SLC22A23: variants seen among roughly 807,000 people sequenced by gnomAD.
SLC22A23 encodes solute carrier family 22 member 23.
Under a neutral mutation model 61.0 loss-of-function variants are expected in SLC22A23, and 26 were observed. The observed-to-expected ratio is 0.43, with a 90% CI of 0.31 to 0.59. The LOEUF is 0.59. Ranked by LOEUF, SLC22A23 falls within the 20% of genes least tolerant of loss-of-function variation. The probability of loss-of-function intolerance (pLI) is 0.11; values close to 1 mark genes in which losing one functional copy is unlikely to be tolerated. For missense variants in SLC22A23, 796 were observed against 934.7 expected, an observed-to-expected ratio of 0.85 and a Z score of 1.94; for synonymous variants, 430 against 413.9, an observed-to-expected ratio of 1.04 and a Z score of -0.47.
intron 1 of SLC22A23, among the ~76,000 whole-genome samples, chr6:3,455,221 C>A (rs1028082888): frequency 1.3e-5 from 2 of 152,192 alleles, no homozygotes; most frequent in African/African-American, 4.8e-5. Context: ...CTAAAGCACA[C>A]CCCCGTTCTC....
Position 3,333,233 on chromosome 6 carries a change from G to T in SLC22A23, c.914-9231C>A, listed in dbSNP as rs1763675545. Reference sequence around the variant, plus strand: ...ACTGTTTTCACCTTGAATTACTTTGGAAGGAAGAACTTGTATTCAGCAACA... The same window carrying T: ...ACTGTTTTCACCTTGAATTACTTTGTAAGGAAGAACTTGTATTCAGCAACA... On this transcript the variant is annotated intron_variant, in intron 3 of 9. Coordinates refer to ENST00000406686, the MANE Select transcript of SLC22A23 (RefSeq NM_015482.2). This position sits in a 1 kb window ranked among gnomAD's most constrained non-coding sequence, Gnocchi z 4.1. Among the ~76,000 whole-genome samples, 1 of 152,128 alleles carries T rather than the reference G, an allele frequency of 6.6e-6. No homozygotes were observed. The highest frequency in any genetic ancestry group is 2.1e-4 in the South Asian group (1 of 4,820).
rs978971410 is a variant in SLC22A23 at position 3,342,071 on chromosome 6, T to C, written c.914-18069A>G. Among the ~76,000 whole-genome samples, 4 of 152,064 alleles carry C rather than the reference T, an allele frequency of 2.6e-5. No homozygotes were observed. Among genetic ancestry groups the C allele is most frequent in the East Asian group, 2.0e-4 (1 of 5,094 alleles). Reference sequence around the variant, plus strand: ...ATGAAGCTTTAATTAAGATTTCTTCTTAATGAAAGCTGCTAGTTTAGGTTC... The same window carrying C: ...ATGAAGCTTTAATTAAGATTTCTTCCTAATGAAAGCTGCTAGTTTAGGTTC... On this transcript the variant is annotated intron_variant, in intron 3 of 9. Coordinates refer to ENST00000406686, the MANE Select transcript of SLC22A23 (RefSeq NM_015482.2). This position sits in a 1 kb window ranked among gnomAD's most constrained non-coding sequence, Gnocchi z 4.0.
intron 3 of SLC22A23, among the ~76,000 whole-genome samples, chr6:3,370,274 C>T (rs769724868): frequency 6.6e-6 from 1 of 152,242 alleles, no homozygotes; most frequent in Non-Finnish European, 1.5e-5. Context: ...AATTATTTAA[C>T]AGTACAACTA....
rs1009255467 is a variant in SLC22A23 at position 3,360,139 on chromosome 6, AGTTT to A, written c.914-36141_914-36138del. ...AATGGGGAGTGTTTATTGGGGACAG[AGTTT>A]GTTTGGGAAGATGAAAAGACCTCTA... On this transcript the variant is annotated intron_variant, in intron 3 of 9. Coordinates refer to ENST00000406686, the MANE Select transcript of SLC22A23 (RefSeq NM_015482.2). The surrounding 1 kb of genome is among the most constrained non-coding windows in gnomAD (Gnocchi z 4.6). Among the ~76,000 whole-genome samples, 15 of 152,164 alleles carry A rather than the reference AGTTT, an allele frequency of 9.9e-5. No homozygotes were observed. Among genetic ancestry groups the A allele is most frequent in the African/African-American group, 2.7e-4 (11 of 41,422 alleles).
chr6:3,343,410 C>T (rs774548381), intron 3 of SLC22A23, among the ~76,000 whole-genome samples: 2 of 152,154 alleles, frequency 1.3e-5, no homozygotes, highest in Non-Finnish European at 2.9e-5. Context: ...GGATTTTAAA[C>T]ACCAGATTTA....
At chr6:3,361,017 A>G (rs577763140) in intron 3 of SLC22A23, among the ~76,000 whole-genome samples, 1 of 152,002 alleles carries the variant, frequency 6.6e-6, no homozygotes, top group African/African-American at 2.4e-5. Context: ...GGTGTCCCAC[A>G]TTTTATATTC....
chr6:3,363,605 G>A (rs959705765), intron 3 of SLC22A23, among the ~76,000 whole-genome samples: 7 of 152,258 alleles, frequency 4.6e-5, no homozygotes, highest in African/African-American at 7.2e-5. Flanking sequence ...CCCAAACTAG[G>A]ATGTGGCACC....
intron 3 of SLC22A23, among the ~76,000 whole-genome samples, chr6:3,345,481 T>C (rs1443797692): frequency 6.7e-6 from 1 of 150,254 alleles, no homozygotes; most frequent in Non-Finnish European, 1.5e-5. Context: ...TTCTCCTGCC[T>C]CAGCCTCCTG....
rs1041673693 is a variant in SLC22A23 at position 3,410,835 on chromosome 6, C to T, written c.759-493G>A. Among the ~76,000 whole-genome samples the T allele has an allele frequency of 4.6e-5, 7 of 152,090 alleles. No individual in the cohort carries two copies. Among genetic ancestry groups the T allele is most frequent in the Non-Finnish European group, 8.8e-5 (6 of 68,024 alleles). ...TACCTGATCCTACACACAGCCTATC[C>T]GAGCCAGGGCCAAGCCATCTGTCAA... On this transcript the variant is annotated intron_variant, in intron 2 of 9. Coordinates refer to ENST00000406686, the MANE Select transcript of SLC22A23 (RefSeq NM_015482.2). This position sits in a 1 kb window ranked among gnomAD's most constrained non-coding sequence, Gnocchi z 5.0.
intron 1 of SLC22A23, among the ~76,000 whole-genome samples, chr6:3,450,574 G>C (rs571298893): frequency 1.5e-3 from 230 of 152,354 alleles, no homozygotes; most frequent in Non-Finnish European, 2.3e-3. Context: ...CAAAGTGCTG[G>C]CATTACAGGC....
chr6:3,401,926 G>T (rs1280339892), intron 3 of SLC22A23, among the ~76,000 whole-genome samples: 1 of 152,200 alleles, frequency 6.6e-6, no homozygotes, highest in Non-Finnish European at 1.5e-5. Context: ...TGAAACAGAG[G>T]TCATCATCTT....
chr6:3,293,268 G>C (rs1050001546), intron 5 of SLC22A23, among the ~76,000 whole-genome samples: 2 of 152,214 alleles, frequency 1.3e-5, no homozygotes, highest in Non-Finnish European at 2.9e-5. Context: ...GAAAGAGAAT[G>C]AAAGGGAAGA....
At chr6:3,423,367 G>T (rs1770276153) in intron 1 of SLC22A23, among the ~76,000 whole-genome samples, 1 of 152,160 alleles carries the variant, frequency 6.6e-6, no homozygotes, top group Non-Finnish European at 1.5e-5. Context: ...TTGCATTATT[G>T]AACGTTCTTA....
Position 3,382,221 on chromosome 6 carries a change from C to T in SLC22A23, c.913+27967G>A, listed in dbSNP as rs183610110. 2.9e-3 allele frequency among the ~76,000 whole-genome samples: 436 copies of T among 152,320 alleles called. 3 individuals carry two copies. In the Middle Eastern group the frequency reaches 0.041, roughly 14 times the overall value. Reference sequence around the variant, plus strand: ...GTATGCACAGCCAGCCAGGCTCAAGCCTCAGATGCTGGAGATGAATCAGGG... The same window carrying T: ...GTATGCACAGCCAGCCAGGCTCAAGTCTCAGATGCTGGAGATGAATCAGGG... On this transcript the variant is annotated intron_variant, in intron 3 of 9. Transcript: ENST00000406686.
rs913534287 is a variant in SLC22A23 at position 3,269,076 on chromosome 6, T to A, written c.*3979A>T. On this transcript the variant is annotated 3_prime_UTR_variant, in exon 10 of 10. Transcript: ENST00000406686. Reference sequence around the variant, plus strand: ...AGTCTTTCCTCACAGAATCACAGTGTAAGATATTCATTTCTTGACGTCTCT... The same window carrying A: ...AGTCTTTCCTCACAGAATCACAGTGAAAGATATTCATTTCTTGACGTCTCT... The A allele has an allele frequency of 6.6e-6, 1 of 152,362 alleles. No individual in the cohort carries two copies. Among genetic ancestry groups the A allele is most frequent in the African/African-American group, 2.4e-5 (1 of 41,438 alleles). The allele number at this position is 152,362 out of a possible 1,614,324, so 9.4% of individuals were successfully genotyped here. A position where few individuals can be genotyped will look rare whatever the true frequency, so the allele number is the denominator to read the frequency against.
intron 9 of SLC22A23, among the ~76,000 whole-genome samples, chr6:3,283,028 G>A (rs1049409876): frequency 6.6e-6 from 1 of 152,242 alleles, no homozygotes; most frequent in African/African-American, 2.4e-5. Context: ...TCTGGGCCTA[G>A]TGTCTGGCGC....
At chr6:3,412,147 C>T (rs4959826) in intron 2 of SLC22A23, among the ~76,000 whole-genome samples, 101,266 of 152,036 alleles carry the variant, frequency 0.67, 34,209 homozygotes, top group South Asian at 0.77. Context: ...CCTGCGTTTC[C>T]ACGTCCCTGA....
chr6:3,424,114 C>T (rs1770321442), intron 1 of SLC22A23, among the ~76,000 whole-genome samples: 1 of 152,180 alleles, frequency 6.6e-6, no homozygotes, highest in African/African-American at 2.4e-5. Flanking sequence ...AAACTGGCTG[C>T]CATCAATTCC....
chr6:3,411,590 G>A (rs922162481), intron 2 of SLC22A23, among the ~76,000 whole-genome samples: 1 of 151,808 alleles, frequency 6.6e-6, no homozygotes, highest in Non-Finnish European at 1.5e-5. Context: ...ACTTAAAATG[G>A]GTGGGTTTTA....
Sources: allele counts gnomAD v4.1 joint callset (sites outside exome capture counted in the v4.1 genomes callset), GRCh38; gene constraint gnomAD v4.1.1; non-coding constraint Gnocchi (gnomAD v3.1); transcripts MANE v1.5; gene names NCBI Gene and HGNC (gene_info 2026-07-23, HGNC 2026-07-21).